Variants in EPM2A observed in about 807,000 individuals in gnomAD.
EPM2A encodes EPM2A glucan phosphatase, laforin, also known as laforin.
EPM2A carries 21 observed loss-of-function variants against 26.5 expected under a neutral mutation model. That is an observed-to-expected ratio of 0.79 (90% CI 0.56 to 1.14). The LOEUF is 1.14. Ranked by LOEUF, EPM2A falls within the 50% of genes most tolerant of loss-of-function variation. EPM2A has a pLI of 0.00. For synonymous variants in EPM2A, 217 were observed against 177.6 expected (o/e 1.22, Z -1.76); for missense variants, 458 against 440.8 (o/e 1.04, Z -0.35).
chr6:145,536,995 T>G (rs1346812766), intron 2 of EPM2A, among the ~76,000 whole-genome samples: 1 of 152,170 alleles, frequency 6.6e-6, no homozygotes, highest in Non-Finnish European at 1.5e-5. Flanking sequence ...GCATCCTATG[T>G]GATTGGCTAG....
intron 2 of EPM2A, among the ~76,000 whole-genome samples, chr6:145,617,281 G>A (rs760981313): frequency 7.9e-5 from 12 of 152,208 alleles, no homozygotes; most frequent in East Asian, 1.9e-4. Context: ...GAGATGTGCC[G>A]TTCACCTTCC....
At chr6:145,729,981 C>A (rs1380989104) in intron 1 of EPM2A, among the ~76,000 whole-genome samples, 8 of 152,126 alleles carry the variant, frequency 5.3e-5, no homozygotes, top group Admixed American at 5.2e-4. Flanking sequence ...AGTAGGTTCT[C>A]ATGGGATCTA....
At chr6:145,723,766 T>A (rs1186621640) in intron 1 of EPM2A, among the ~76,000 whole-genome samples, 1 of 152,058 alleles carries the variant, frequency 6.6e-6, no homozygotes, top group Non-Finnish European at 1.5e-5. Context: ...ATGTGGGACT[T>A]TACTCTCACA....
At chr6:145,419,174 TA>T (rs1331622631) in intron 4 of EPM2A, among the ~76,000 whole-genome samples, 2 of 110,548 alleles carry the variant, frequency 1.8e-5, no homozygotes, top group East Asian at 2.5e-4. Flanking sequence ...CAAATTCTGT[TA>T]AATGTCCCCC....
intron 2 of EPM2A, among the ~76,000 whole-genome samples, chr6:145,528,831 GT>G (rs1178781326): frequency 6.6e-6 from 1 of 152,098 alleles, no homozygotes; most frequent in African/African-American, 2.4e-5. Flanking sequence ...TCTGGGGAAA[GT>G]AAATTGAAAA....
intron 1 of EPM2A, among the ~76,000 whole-genome samples, chr6:145,730,784 A>C (rs34618159): frequency 2.3e-4 from 35 of 152,256 alleles, no homozygotes; most frequent in Non-Finnish European, 4.8e-4. Flanking sequence ...TATAAGAAAA[A>C]GGAACAGATG....
chr6:145,594,884 G>T, intron 2 of EPM2A, among the ~76,000 whole-genome samples: 1 of 151,154 alleles, frequency 6.6e-6, no homozygotes, highest in African/African-American at 2.4e-5. Context: ...TACATAGTGA[G>T]GATTTATAAA....
intron 4 of EPM2A, among the ~76,000 whole-genome samples, chr6:145,464,702 C>T (rs543779308): frequency 6.6e-6 from 1 of 152,150 alleles, no homozygotes; most frequent in South Asian, 2.1e-4. Context: ...CAGTCTGTCA[C>T]TTTTCCTTTA....
intron 2 of EPM2A, among the ~76,000 whole-genome samples, chr6:145,596,570 G>T (rs949172247): frequency 4.0e-5 from 6 of 151,694 alleles, no homozygotes; most frequent in Non-Finnish European, 8.8e-5. Flanking sequence ...CCCTTCTTTT[G>T]GTTCTTCCTG....
chr6:145,688,159 G>A (rs1472407080), intron 1 of EPM2A, among the ~76,000 whole-genome samples: 1 of 151,988 alleles, frequency 6.6e-6, no homozygotes, highest in African/African-American at 2.4e-5. Context: ...TTCTAAGCAG[G>A]CATGTAACAT....
chr6:145,430,461 C>T (rs1270899202), intron 4 of EPM2A, among the ~76,000 whole-genome samples: 3 of 151,632 alleles, frequency 2.0e-5, no homozygotes, highest in African/African-American at 4.8e-5. Context: ...CTTAGCTGGG[C>T]GTGGTGGTGG....
intron 4 of EPM2A, chr6:145,491,730 C>A: frequency 3.9e-6 from 2 of 509,260 alleles, no homozygotes; most frequent in East Asian, 5.9e-5. Flanking sequence ...ATTTCCCTGC[C>A]TCCTGTCCCT....
At chr6:145,526,446 T>G (rs927079568) in intron 2 of EPM2A, among the ~76,000 whole-genome samples, 1 of 151,894 alleles carries the variant, frequency 6.6e-6, no homozygotes, top group African/African-American at 2.4e-5. Flanking sequence ...ATTTTTTTTA[T>G]TATTATTACT....
intron 2 of EPM2A, among the ~76,000 whole-genome samples, chr6:145,544,047 A>T (rs964313289): frequency 6.6e-6 from 1 of 152,236 alleles, no homozygotes; most frequent in Admixed American, 6.5e-5. Flanking sequence ...GGTCAGTCTC[A>T]TGGTGACTGA....
At chr6:145,586,866 T>C (rs1781202117) in intron 2 of EPM2A, among the ~76,000 whole-genome samples, 2 of 152,310 alleles carry the variant, frequency 1.3e-5, no homozygotes, top group Admixed American at 1.3e-4. Flanking sequence ...TGATTTCTGA[T>C]GGTCCTTACC....
At chr6:145,537,761 C>T (rs1253651709) in intron 2 of EPM2A, among the ~76,000 whole-genome samples, 1 of 151,622 alleles carries the variant, frequency 6.6e-6, no homozygotes, top group Admixed American at 6.6e-5. Flanking sequence ...TCACTCCCCA[C>T]CCCCCGACAG....
At chr6:145,709,812 G>T (rs933548170) in intron 1 of EPM2A, among the ~76,000 whole-genome samples, 22 of 152,048 alleles carry the variant, frequency 1.4e-4, no homozygotes, top group African/African-American at 5.3e-4. Flanking sequence ...CAGGGCAGAG[G>T]CAGCAAGATA....
chr6:145,649,324 T>A (rs764740130), intron 2 of EPM2A, among the ~76,000 whole-genome samples: 1 of 152,224 alleles, frequency 6.6e-6, no homozygotes, highest in African/African-American at 2.4e-5. Context: ...ATGGGATTAA[T>A]GCATATCTCA....
At chr6:145,712,829 C>T (rs574196121) in intron 1 of EPM2A, among the ~76,000 whole-genome samples, 4 of 152,284 alleles carry the variant, frequency 2.6e-5, no homozygotes, top group African/African-American at 9.6e-5. Context: ...ATCCACCTTA[C>T]TGTCCTGATT....
Sources: gnomAD v4.1 joint callset for allele counts (sites outside exome capture counted in the v4.1 genomes callset) on GRCh38, gnomAD v4.1.1 for gene constraint, MANE v1.5 for transcripts, NCBI Gene and HGNC (gene_info 2026-07-23, HGNC 2026-07-21) for gene names.